MCM9: variants seen among roughly 807,000 people sequenced by gnomAD.
MCM9 encodes DNA helicase MCM9.
A neutral mutation model predicts 72.8 loss-of-function variants in MCM9; 55 were observed. The ratio of observed to expected loss-of-function variants is 0.76; its 90% CI spans 0.61 to 0.95. The LOEUF (loss-of-function observed/expected upper bound fraction) is 0.95. MCM9 is among the 40% of genes least tolerant of loss of function. The pLI is 0.00. For missense variants in MCM9, 1,279 were observed against 1,377.0 expected, an observed-to-expected ratio of 0.93 and a Z score of 1.13; for synonymous variants, 480 against 503.4, an observed-to-expected ratio of 0.95 and a Z score of 0.62.
At chr6:118,847,238 C>T (rs937115263) in intron 9 of MCM9, among the ~76,000 whole-genome samples, 4 of 151,462 alleles carry the variant, frequency 2.6e-5, no homozygotes, top group Non-Finnish European at 4.4e-5. Context: ...AGCTAAACAA[C>T]GGGTAGACAT....
chr6:118,914,330 G>A (rs74932059), intron 6 of MCM9, among the ~76,000 whole-genome samples: 1,947 of 152,192 alleles, frequency 0.013, 21 homozygotes, highest in Middle Eastern at 0.041. Flanking sequence ...GAATAAAGCA[G>A]GTATTTCATT....
intron 9 of MCM9, among the ~76,000 whole-genome samples, chr6:118,846,942 A>G (rs1583419226): frequency 6.6e-6 from 1 of 151,640 alleles, no homozygotes; most frequent in East Asian, 1.9e-4. Context: ...TCATCTCCCT[A>G]CCCTGCCCCA....
chr6:118,853,431 A>G (rs1776351833), intron 9 of MCM9, among the ~76,000 whole-genome samples: 1 of 152,156 alleles, frequency 6.6e-6, no homozygotes, highest in South Asian at 2.1e-4. Flanking sequence ...GATTTCTACA[A>G]AAAAGCTTGT....
chr6:118,849,864 G>C (rs1436839384), intron 9 of MCM9, among the ~76,000 whole-genome samples: 1 of 151,742 alleles, frequency 6.6e-6, no homozygotes. Flanking sequence ...TATCCCCATG[G>C]GTTTTGCTTA....
chr6:118,897,408 C>A (rs1455782397), intron 8 of MCM9, among the ~76,000 whole-genome samples: 1 of 152,034 alleles, frequency 6.6e-6, no homozygotes, highest in African/African-American at 2.4e-5. Context: ...CAAGACTGTA[C>A]AAGTTTTGAT....
chr6:118,934,532 G>T (rs1486300609), intron 1 of MCM9: 4 of 151,688 alleles, frequency 2.6e-5, no homozygotes, highest in African/African-American at 4.8e-5. Context: ...CCCTCCGCGC[G>T]GGCTGGCGGG....
intron 8 of MCM9, among the ~76,000 whole-genome samples, chr6:118,878,020 G>A (rs924878507): frequency 2.0e-5 from 3 of 152,060 alleles, no homozygotes; most frequent in African/African-American, 7.2e-5. Context: ...AAATTAGCAA[G>A]GCATGGTGGT....
chr6:118,815,568 C>T lies in MCM9; in HGVS notation c.2688G>A (p.Pro896=), dbSNP rs140736281. The T allele has an allele frequency of 1.3e-5, 20 of 1,550,266 alleles. No homozygotes were observed. Among genetic ancestry groups the T allele is most frequent in the South Asian group, 3.6e-5 (3 of 84,020 alleles). The change falls in exon 14 of 14, where the codon CCG becomes CCA. Residue 896 remains proline, a synonymous_variant. Coordinates refer to ENST00000619706, the MANE Select transcript of MCM9 (RefSeq NM_017696.3). ...RMLDSPKRKR[P]KSLAQVEEPA... Reference sequence around the variant, plus strand: ...GCTCTTCCACTTGCGCAAGGGATTTCGGTCTCTTTCTTTTGGGTGAGTCCA... The same window carrying T: ...GCTCTTCCACTTGCGCAAGGGATTTTGGTCTCTTTCTTTTGGGTGAGTCCA...
intron 10 of MCM9, among the ~76,000 whole-genome samples, chr6:118,828,615 C>A (rs561717566): frequency 7.9e-5 from 12 of 152,204 alleles, no homozygotes; most frequent in African/African-American, 2.6e-4. Context: ...GAACTCCTGA[C>A]CTCAGGTGAT....
rs1394422229 is a variant in MCM9 at position 118,931,524 on chromosome 6, G to C, written c.200C>G (p.Thr67Arg). 6 of 1,613,988 alleles carry C rather than the reference G, an allele frequency of 3.7e-6. No individual in the cohort carries two copies. The African/African-American group carries it at 4.0e-5, about 11-fold the overall frequency. Residue 67 changes from threonine (T) to arginine (R), a missense_variant, in exon 3 of 14, where the codon ACA (threonine) becomes AGA (arginine). Physicochemically the swap from Thr to Arg is moderately conservative, Grantham distance 71 (BLOSUM62 -1). Transcript: ENST00000619706. ...CCTTCGCAGTGCACTATCAAAAATT[G>C]TAAGCACTTCACTGGGGAACATGTT... ...YFNMFPSEVL[T>R]IFDSALRRSA...
chr6:118,871,652 C>G (rs1209359578), intron 8 of MCM9, among the ~76,000 whole-genome samples: 3 of 152,230 alleles, frequency 2.0e-5, no homozygotes, highest in Admixed American at 2.0e-4. Context: ...CACGGTGGCT[C>G]ACGCCTGTAA....
intron 8 of MCM9, among the ~76,000 whole-genome samples, chr6:118,879,252 A>G (rs1016336145): frequency 5.3e-5 from 8 of 150,690 alleles, no homozygotes; most frequent in South Asian, 2.1e-4. Flanking sequence ...GAGGGGGAAA[A>G]AAAAAAAAAA....
intron 9 of MCM9, among the ~76,000 whole-genome samples, chr6:118,836,001 T>C (rs1461373880): frequency 6.6e-6 from 1 of 152,206 alleles, no homozygotes; most frequent in African/African-American, 2.4e-5. Context: ...AAATAGCTCT[T>C]ATTATTTTGA....
chr6:118,922,713 A>G (rs1781528981), intron 4 of MCM9, among the ~76,000 whole-genome samples: 1 of 152,196 alleles, frequency 6.6e-6, no homozygotes, highest in South Asian at 2.1e-4. Context: ...CCCACAGCCA[A>G]TCATCAGAAG....
chr6:118,925,636 CT>C (rs1017926998), intron 3 of MCM9, among the ~76,000 whole-genome samples: 6 of 152,296 alleles, frequency 3.9e-5, no homozygotes, highest in South Asian at 2.1e-4. Context: ...ACATTTGCCC[CT>C]ATGACTCTTT....
rs117242847 is a variant in MCM9 at position 118,818,128 on chromosome 6, T to C, written c.1962-1834A>G. Reference sequence around the variant, plus strand: ...ATTTGGCTGAGCTGAAGCTCTTTGGTTTGATTAGATCCCATTTGTCAATTT... The same window carrying C: ...ATTTGGCTGAGCTGAAGCTCTTTGGCTTGATTAGATCCCATTTGTCAATTT... On this transcript the variant is annotated intron_variant, in intron 13 of 13. Coordinates refer to ENST00000619706, the MANE Select transcript of MCM9 (RefSeq NM_017696.3). 7.9e-3 allele frequency among the ~76,000 whole-genome samples: 1,210 copies of C among 152,320 alleles called. 7 individuals are homozygous for C. The highest frequency in any genetic ancestry group is 0.013 in the Non-Finnish European group (905 of 68,014).
chr6:118,907,503 A>C, intron 8 of MCM9: 1 of 1,613,704 alleles, frequency 6.2e-7, no homozygotes, highest in South Asian at 1.1e-5. Flanking sequence ...GCAGTAATCC[A>C]AATCTACAGT....
In MCM9 at chr6:118,813,665, T is replaced by C. The variant is rs1321469227; in HGVS notation, c.*1159A>G. 6.6e-6 allele frequency: 1 copy of C among 152,212 alleles called. No homozygotes were observed. Among genetic ancestry groups the C allele is most frequent in the Non-Finnish European group, 1.5e-5 (1 of 68,036 alleles). 9.4% of individuals were successfully genotyped at this position (152,212 alleles called of 1,614,324 possible). Reference sequence around the variant, plus strand: ...TTCACACTTCAGAAGAGAAAGTCCATAATTACTGAATCCTAATAACCCTTA... The same window carrying C: ...TTCACACTTCAGAAGAGAAAGTCCACAATTACTGAATCCTAATAACCCTTA... On this transcript the variant is annotated 3_prime_UTR_variant, in exon 14 of 14. Transcript: ENST00000619706.
chr6:118,866,857 G>T (rs1180411325), intron 8 of MCM9, among the ~76,000 whole-genome samples: 1 of 152,088 alleles, frequency 6.6e-6, no homozygotes, highest in African/African-American at 2.4e-5. Flanking sequence ...TGAATCCAAA[G>T]AAACCTATGC....
Sources: gnomAD v4.1 joint callset for allele counts (sites outside exome capture counted in the v4.1 genomes callset) on GRCh38, gnomAD v4.1.1 for gene constraint, MANE v1.5 for transcripts, NCBI Gene and HGNC (gene_info 2026-07-23, HGNC 2026-07-21) for gene names.